PTPRM: variants seen among roughly 807,000 people sequenced by gnomAD.
PTPRM encodes the protein protein tyrosine phosphatase receptor type M, also known as receptor-type tyrosine-protein phosphatase mu.
Under a neutral mutation model 186.7 loss-of-function variants are expected in PTPRM, and 47 were observed. That is an observed-to-expected ratio of 0.25 (90% confidence interval 0.20 to 0.32). The LOEUF (loss-of-function observed/expected upper bound fraction) is 0.32. PTPRM is among the 10% of genes least tolerant of loss of function. The pLI is 1.00. For synonymous variants in PTPRM, 668 were observed against 674.9 expected (o/e 0.99, Z 0.16); for missense variants, 1,494 against 1,865.0 (o/e 0.80, Z 3.66).
chr18:7,870,998 C>T (rs1317673091), intron 2 of PTPRM, among the ~76,000 whole-genome samples: 1 of 152,156 alleles, frequency 6.6e-6, no homozygotes, highest in African/African-American at 2.4e-5. Context: ...CTTAAGGCAG[C>T]AATGCAGCTC....
intron 1 of PTPRM, among the ~76,000 whole-genome samples, chr18:7,760,047 T>C (rs948425007): frequency 1.3e-5 from 2 of 152,146 alleles, no homozygotes; most frequent in Admixed American, 1.3e-4. Flanking sequence ...TTTCTTACTT[T>C]TTCACAATAG....
intron 1 of PTPRM, among the ~76,000 whole-genome samples, chr18:7,730,003 G>A (rs868803157): frequency 4.6e-5 from 7 of 151,984 alleles, no homozygotes; most frequent in South Asian, 2.1e-4. Flanking sequence ...AAAAATCTGC[G>A]TTGGCTCTGA....
At position 8,236,552 on chromosome 18, in the gene PTPRM, A is replaced by AT. The variant is rs1378005900; in HGVS notation, c.2301-7499dup. On this transcript the variant is annotated intron_variant, in intron 14 of 32. Transcript: ENST00000580170. Reference sequence around the variant, plus strand: ...CTTTTAATTGGTTTATTTTTTATTTATTTTTTTGAGATGGGGTCTTGCTAT... The same window carrying AT: ...CTTTTAATTGGTTTATTTTTTATTTATTTTTTTTGAGATGGGGTCTTGCTAT... Among the ~76,000 whole-genome samples the AT allele has an allele frequency of 2.6e-5, 4 of 151,728 alleles. No individual in the cohort carries two copies. The South Asian group carries it at 8.3e-4, about 32-fold the overall frequency.
At chr18:8,001,752 T>C (rs1358555714) in intron 7 of PTPRM, among the ~76,000 whole-genome samples, 2 of 152,182 alleles carry the variant, frequency 1.3e-5, no homozygotes, top group African/African-American at 4.8e-5. Context: ...TGCTGAGCTC[T>C]AGCAGCCAGT....
At chr18:8,219,083 T>G (rs565305419) in intron 14 of PTPRM, among the ~76,000 whole-genome samples, 2 of 152,360 alleles carry the variant, frequency 1.3e-5, no homozygotes, top group Non-Finnish European at 2.9e-5. Context: ...TCAGTGTTTA[T>G]GCAAGTTCTA....
chr18:7,605,077 C>T (rs551894202), intron 1 of PTPRM, among the ~76,000 whole-genome samples: 12 of 152,272 alleles, frequency 7.9e-5, no homozygotes, highest in African/African-American at 2.9e-4. Flanking sequence ...AGTTTAATCT[C>T]TGGCAGGGAT....
intron 7 of PTPRM, among the ~76,000 whole-genome samples, chr18:7,963,842 T>C (rs568603342): frequency 6.6e-6 from 1 of 152,172 alleles, no homozygotes; most frequent in Non-Finnish European, 1.5e-5. Context: ...ACATGATTGT[T>C]GTTAGTATGA....
intron 8 of PTPRM, among the ~76,000 whole-genome samples, chr18:8,074,133 C>CA (rs1168037325): frequency 6.6e-6 from 1 of 151,962 alleles, no homozygotes; most frequent in East Asian, 1.9e-4. Context: ...CCTCTAATCT[C>CA]AAAAAAATAG....
At chr18:7,680,643 T>C (rs2039459525) in intron 1 of PTPRM, among the ~76,000 whole-genome samples, 1 of 152,142 alleles carries the variant, frequency 6.6e-6, no homozygotes, top group Non-Finnish European at 1.5e-5. Context: ...GAAATGTTTC[T>C]TTGCTGCTTT....
At chr18:7,750,275 T>A (rs1047898474) in intron 1 of PTPRM, among the ~76,000 whole-genome samples, 7 of 152,132 alleles carry the variant, frequency 4.6e-5, no homozygotes, top group African/African-American at 9.6e-5. Flanking sequence ...TCATTTGTTT[T>A]AAAAAAAAGA....
intron 1 of PTPRM, among the ~76,000 whole-genome samples, chr18:7,693,378 A>G (rs1477672471): frequency 6.6e-6 from 1 of 152,172 alleles, no homozygotes; most frequent in Non-Finnish European, 1.5e-5. Context: ...ATGTGGCAGA[A>G]TAGGATTGGA....
intron 2 of PTPRM, among the ~76,000 whole-genome samples, chr18:7,805,871 GA>G (rs2044208656): frequency 1.3e-5 from 2 of 152,102 alleles, no homozygotes; most frequent in Admixed American, 1.3e-4. Context: ...TCAAAGACTA[GA>G]AAAACATACC....
intron 2 of PTPRM, among the ~76,000 whole-genome samples, chr18:7,871,133 A>G (rs1028032565): frequency 6.6e-6 from 1 of 152,226 alleles, no homozygotes; most frequent in Non-Finnish European, 1.5e-5. Context: ...ATTCCCAACA[A>G]TAACTGTGGA....
intron 19 of PTPRM, among the ~76,000 whole-genome samples, chr18:8,290,599 G>A (rs1261160181): frequency 6.6e-6 from 1 of 152,140 alleles, no homozygotes; most frequent in East Asian, 1.9e-4. Flanking sequence ...TATGCAGGAT[G>A]TTCAATTTCC....
At chr18:8,128,488 A>G (rs8084021) in intron 13 of PTPRM, among the ~76,000 whole-genome samples, 3,353 of 152,276 alleles carry the variant, frequency 0.022, 87 homozygotes, top group African/African-American at 0.063. Context: ...ATGTAAAATG[A>G]GGGTAAAATT....
chr18:7,882,158 T>C (rs1040999509), intron 2 of PTPRM, among the ~76,000 whole-genome samples: 1 of 152,206 alleles, frequency 6.6e-6, no homozygotes. Context: ...AGCAAGTCTT[T>C]AGAAAATTTT....
At chr18:8,079,578 C>G (rs2090017373) in intron 9 of PTPRM, among the ~76,000 whole-genome samples, 1 of 152,070 alleles carries the variant, frequency 6.6e-6, no homozygotes, top group African/African-American at 2.4e-5. Flanking sequence ...TAAATATTAT[C>G]AAACCCAGCA....
At chr18:7,931,865 A>G (rs982185665) in intron 5 of PTPRM, among the ~76,000 whole-genome samples, 1 of 152,166 alleles carries the variant, frequency 6.6e-6, no homozygotes, top group South Asian at 2.1e-4. Flanking sequence ...CTTTCTATTT[A>G]TAATACTTTC....
At chr18:8,363,230 T>C (rs2148405125) in intron 23 of PTPRM, among the ~76,000 whole-genome samples, 1 of 152,318 alleles carries the variant, frequency 6.6e-6, no homozygotes, top group Non-Finnish European at 1.5e-5. Flanking sequence ...AAAATAAGGA[T>C]AATAGTACTT....
Sources: allele counts gnomAD v4.1 joint callset (sites outside exome capture counted in the v4.1 genomes callset), GRCh38; gene constraint gnomAD v4.1.1; transcripts MANE v1.5; gene names NCBI Gene and HGNC (gene_info 2026-07-23, HGNC 2026-07-21).